The following NAALADL2 variants were observed in gnomAD, a reference collection of about 807,000 sequenced individuals.
NAALADL2 encodes the protein inactive N-acetylated-alpha-linked acidic dipeptidase-like protein 2.
Under a neutral mutation model 87.2 loss-of-function variants are expected in NAALADL2, and 76 were observed. The observed-to-expected ratio is 0.87, with a 90% CI of 0.72 to 1.05. The LOEUF (loss-of-function observed/expected upper bound fraction) is 1.05, where lower values mean the gene tolerates loss of function less well. NAALADL2 is among the 50% of genes least tolerant of loss of function. NAALADL2 has a pLI of 0.00. For missense variants in NAALADL2, 1,089 were observed against 945.8 expected, an observed-to-expected ratio of 1.15 and a Z score of -1.99; for synonymous variants, 354 against 331.0, an observed-to-expected ratio of 1.07 and a Z score of -0.75.
In NAALADL2 at chr3:175,616,730, A is replaced by G. The variant is rs200231559; in HGVS notation, c.1801-10561A>G. 7.2e-5 allele frequency among the ~76,000 whole-genome samples: 11 copies of G among 152,172 alleles called. No homozygotes were observed. The East Asian group carries it at 2.1e-3, about 30-fold the overall frequency. On this transcript the variant is annotated intron_variant, in intron 10 of 13. Transcript: ENST00000454872. ...TGGATCCCAGACCCTCTGCGATTCC[A>G]TGTTCAGTTTGTGGGTTTCTGTACC...
At chr3:174,762,235 C>T (rs1713085452) in intron 3 of NAALADL2, among the ~76,000 whole-genome samples, 1 of 149,150 alleles carries the variant, frequency 6.7e-6, no homozygotes, top group Non-Finnish European at 1.5e-5. Context: ...TCTCAGCTCA[C>T]TGCAAGCTCC....
intron 11 of NAALADL2, among the ~76,000 whole-genome samples, chr3:175,659,877 G>A (rs76949667): frequency 0.04 from 6,118 of 152,128 alleles, 419 homozygotes; most frequent in African/African-American, 0.14. Context: ...AACTGAATTC[G>A]GTTTTCAGTT....
chr3:175,271,495 A>G (rs1316094799), intron 4 of NAALADL2, among the ~76,000 whole-genome samples: 1 of 152,140 alleles, frequency 6.6e-6, no homozygotes, highest in Non-Finnish European at 1.5e-5. Flanking sequence ...AGTTAAAGCT[A>G]TAAAATAGGC....
chr3:175,480,508 T>C (rs1340086512), intron 9 of NAALADL2, among the ~76,000 whole-genome samples: 1 of 151,886 alleles, frequency 6.6e-6, no homozygotes, highest in Non-Finnish European at 1.5e-5. Flanking sequence ...TTTAGAATCA[T>C]AGCATCAAAA....
rs1046095029 is a variant in NAALADL2, at chr3:174,598,923, C to CATAA, written c.-115+48287_-115+48290dup. On this transcript the variant is annotated intron_variant, in intron 2 of 3. Transcript: ENST00000434257. ...ACCATTGTCATACGTCTGTGGCAGC[C>CATAA]ATAAGCATGTTGTCTCTCTGTGGCT... Among the ~76,000 whole-genome samples the CATAA allele has an allele frequency of 8.7e-4, 132 of 152,224 alleles. 1 individual carries two copies. Among genetic ancestry groups the CATAA allele is most frequent in the Admixed American group, 7.8e-3 (119 of 15,288 alleles).
intron 3 of NAALADL2, among the ~76,000 whole-genome samples, chr3:175,236,424 C>T (rs936954394): frequency 1.3e-5 from 2 of 151,808 alleles, no homozygotes; most frequent in African/African-American, 4.8e-5. Context: ...TGGCAGGCTC[C>T]TGTAATCCCA....
intron 5 of NAALADL2, among the ~76,000 whole-genome samples, chr3:175,439,731 C>CTTTTT (rs535237866): frequency 1.8e-5 from 2 of 113,786 alleles, no homozygotes; most frequent in Non-Finnish European, 3.6e-5. Flanking sequence ...GTTTTTTTTT[C>CTTTTT]TTTTTTTTCT....
chr3:175,215,275 G>A (rs1233737597), intron 2 of NAALADL2, among the ~76,000 whole-genome samples: 1 of 152,106 alleles, frequency 6.6e-6, no homozygotes, highest in South Asian at 2.1e-4. Context: ...AAAAATCAGA[G>A]AAATATCACC....
intron 1 of NAALADL2, among the ~76,000 whole-genome samples, chr3:174,874,702 TGC>T (rs1728256531): frequency 6.6e-6 from 1 of 152,148 alleles, no homozygotes; most frequent in African/African-American, 2.4e-5. Context: ...ATATTTTTTT[TGC>T]TACTTAAATA....
intron 5 of NAALADL2, among the ~76,000 whole-genome samples, chr3:175,332,541 T>A (rs150597056): frequency 1.5e-3 from 236 of 152,294 alleles, no homozygotes; most frequent in African/African-American, 5.5e-3. Context: ...GCTCTAGCAG[T>A]CCTCCTGCCT....
intron 1 of NAALADL2, among the ~76,000 whole-genome samples, chr3:175,090,039 C>A (rs1719788278): frequency 6.6e-6 from 1 of 152,014 alleles, no homozygotes; most frequent in Non-Finnish European, 1.5e-5. Flanking sequence ...TTCCTACACT[C>A]TGAAGGTAGA....
chr3:174,942,631 C>T (rs528658550), intron 1 of NAALADL2, among the ~76,000 whole-genome samples: 17 of 152,190 alleles, frequency 1.1e-4, no homozygotes, highest in African/African-American at 3.6e-4. Flanking sequence ...ATATGTTTTC[C>T]AAGTTGTTTG....
intron 5 of NAALADL2, among the ~76,000 whole-genome samples, chr3:175,425,172 G>GT (rs1198877804): frequency 6.6e-6 from 1 of 152,130 alleles, no homozygotes. Flanking sequence ...CACAAATACG[G>GT]TATCAGTAGA....
chr3:175,149,615 G>A (rs895603503), intron 2 of NAALADL2, among the ~76,000 whole-genome samples: 2 of 152,028 alleles, frequency 1.3e-5, no homozygotes, highest in Non-Finnish European at 2.9e-5. Flanking sequence ...ATATATTTGA[G>A]GATAATTCAT....
chr3:174,804,525 G>C (rs1719230475), intron 3 of NAALADL2, among the ~76,000 whole-genome samples: 1 of 152,126 alleles, frequency 6.6e-6, no homozygotes, highest in African/African-American at 2.4e-5. Flanking sequence ...TGGTGAGAGA[G>C]GGCATCCTTG....
At chr3:175,163,973 GA>G (rs1193403246) in intron 2 of NAALADL2, among the ~76,000 whole-genome samples, 1 of 152,170 alleles carries the variant, frequency 6.6e-6, no homozygotes, top group Non-Finnish European at 1.5e-5. Flanking sequence ...ATTTTGCCGG[GA>G]ATATCTAGTT....
intron 1 of NAALADL2, among the ~76,000 whole-genome samples, chr3:174,454,399 T>C (rs1362002889): frequency 6.6e-6 from 1 of 152,114 alleles, no homozygotes; most frequent in African/African-American, 2.4e-5. Flanking sequence ...CTGGTAGACA[T>C]CTACAGAACT....
At chr3:174,866,046 C>T (rs1033979448) in intron 1 of NAALADL2, among the ~76,000 whole-genome samples, 5 of 151,824 alleles carry the variant, frequency 3.3e-5, no homozygotes, top group African/African-American at 1.2e-4. Flanking sequence ...AATTTGCTTT[C>T]AAGCCTCCTA....
At chr3:175,090,899 T>C (rs1719981139) in intron 1 of NAALADL2, among the ~76,000 whole-genome samples, 1 of 152,044 alleles carries the variant, frequency 6.6e-6, no homozygotes, top group African/African-American at 2.4e-5. Context: ...AAAATTGCAA[T>C]TAAATAAAGA....
Sources: gnomAD v4.1 joint callset for allele counts (sites outside exome capture counted in the v4.1 genomes callset) on GRCh38, gnomAD v4.1.1 for gene constraint, MANE v1.5 for transcripts, NCBI Gene and HGNC (gene_info 2026-07-23, HGNC 2026-07-21) for gene names.